The following KCNAB1 variants were observed in gnomAD, a reference collection of about 807,000 sequenced individuals.
KCNAB1 encodes the protein potassium voltage-gated channel subfamily A regulatory beta subunit 1.
In KCNAB1, 35 loss-of-function variants were observed where a neutral mutation model predicts 64.6. That is an observed-to-expected ratio of 0.54 (90% CI 0.41 to 0.72). The LOEUF (loss-of-function observed/expected upper bound fraction) is 0.72. KCNAB1 is among the 30% of genes least tolerant of loss of function. The pLI is 0.00. For missense variants in KCNAB1, 401 were observed against 512.9 expected (o/e 0.78, Z 2.11); for synonymous variants, 177 against 183.8 (o/e 0.96, Z 0.30).
At chr3:156,254,497 A>T (rs773071113) in intron 1 of KCNAB1, among the ~76,000 whole-genome samples, 1 of 152,218 alleles carries the variant, frequency 6.6e-6, no homozygotes, top group South Asian at 2.1e-4. Context: ...TAGCTGCCCA[A>T]TGGCCACTGC....
intron 1 of KCNAB1, among the ~76,000 whole-genome samples, chr3:156,277,709 A>G (rs1339471657): frequency 6.6e-6 from 1 of 152,206 alleles, no homozygotes; most frequent in African/African-American, 2.4e-5. Flanking sequence ...CAAACACAGG[A>G]CTGCAGATAT....
chr3:156,504,739 TTTG>T (rs1485435341), intron 8 of KCNAB1, among the ~76,000 whole-genome samples: 1 of 125,084 alleles, frequency 8.0e-6, no homozygotes, highest in South Asian at 2.6e-4. Flanking sequence ...TTGTTTTGTT[TTTG>T]TTTTTTTTGT....
chr3:156,388,752 C>T (rs185672292), intron 1 of KCNAB1, among the ~76,000 whole-genome samples: 1 of 152,322 alleles, frequency 6.6e-6, no homozygotes, highest in Non-Finnish European at 1.5e-5. Context: ...GTGGGCAGCT[C>T]CACTCACAGT....
intron 2 of KCNAB1, among the ~76,000 whole-genome samples, chr3:156,429,898 G>T (rs1004623045): frequency 6.6e-6 from 1 of 152,142 alleles, no homozygotes; most frequent in African/African-American, 2.4e-5. Flanking sequence ...AGTTTAAATG[G>T]TGTATGAATA....
At chr3:156,297,775 C>T (rs370869760) in intron 1 of KCNAB1, among the ~76,000 whole-genome samples, 15 of 151,368 alleles carry the variant, frequency 9.9e-5, no homozygotes, top group East Asian at 5.8e-4. Flanking sequence ...TGTGTGTGTG[C>T]GCGTGTGCTC....
intron 1 of KCNAB1, among the ~76,000 whole-genome samples, chr3:156,169,935 T>G (rs1308513349): frequency 6.6e-6 from 1 of 152,210 alleles, no homozygotes; most frequent in Non-Finnish European, 1.5e-5. Context: ...TTCTTTCAGT[T>G]TCTGTTCAAA....
At chr3:156,348,958 A>G (rs1724683183) in intron 1 of KCNAB1, among the ~76,000 whole-genome samples, 1 of 152,216 alleles carries the variant, frequency 6.6e-6, no homozygotes, top group Admixed American at 6.5e-5. Flanking sequence ...TGAACACAGA[A>G]TGGCTTTTAT....
At chr3:156,279,879 A>G (rs1162524361) in intron 1 of KCNAB1, among the ~76,000 whole-genome samples, 1 of 149,234 alleles carries the variant, frequency 6.7e-6, no homozygotes, top group African/African-American at 2.5e-5. Context: ...CCTTTGTCAG[A>G]TGAGTAGGTT....
At chr3:156,429,845 A>G (rs1398519436) in intron 2 of KCNAB1, among the ~76,000 whole-genome samples, 1 of 152,228 alleles carries the variant, frequency 6.6e-6, no homozygotes, top group Admixed American at 6.5e-5. Flanking sequence ...TTTTCTGCAT[A>G]ACACAAACAG....
chr3:156,486,075 T>TA (rs1181260963), intron 8 of KCNAB1, among the ~76,000 whole-genome samples: 5 of 152,126 alleles, frequency 3.3e-5, no homozygotes, highest in Non-Finnish European at 7.4e-5. Flanking sequence ...ACAGTACCTC[T>TA]TTAACTTTAT....
intron 1 of KCNAB1, among the ~76,000 whole-genome samples, chr3:156,365,997 C>A (rs1725919901): frequency 1.3e-5 from 2 of 152,118 alleles, no homozygotes; most frequent in African/African-American, 2.4e-5. Flanking sequence ...TTCTCCTCAG[C>A]CTTTATCTTT....
intron 1 of KCNAB1, among the ~76,000 whole-genome samples, chr3:156,265,978 G>A (rs772653889): frequency 2.6e-5 from 4 of 152,098 alleles, no homozygotes; most frequent in Non-Finnish European, 5.9e-5. Context: ...GTGACACAGC[G>A]AGATTCTGTC....
At chr3:156,315,663 A>G (rs1240283678) in intron 1 of KCNAB1, among the ~76,000 whole-genome samples, 1 of 152,226 alleles carries the variant, frequency 6.6e-6, no homozygotes, top group Non-Finnish European at 1.5e-5. Flanking sequence ...GCATAAATGA[A>G]CCCATTTAAG....
At chr3:156,404,813 G>T (rs1198005591) in intron 1 of KCNAB1, among the ~76,000 whole-genome samples, 1 of 152,138 alleles carries the variant, frequency 6.6e-6, no homozygotes, top group Non-Finnish European at 1.5e-5. Context: ...CTTTTTTTGG[G>T]AGTAGGAAGG....
At chr3:156,293,327 T>A (rs972120696) in intron 1 of KCNAB1, among the ~76,000 whole-genome samples, 99 of 152,362 alleles carry the variant, frequency 6.5e-4, no homozygotes, top group African/African-American at 2.3e-3. Flanking sequence ...TTTGCAGATA[T>A]GATTTTGTTA....
At chr3:156,460,762 G>T (rs1712841484) in intron 5 of KCNAB1, among the ~76,000 whole-genome samples, 3 of 152,166 alleles carry the variant, frequency 2.0e-5, no homozygotes, top group Admixed American at 2.0e-4. Flanking sequence ...TAGAGAAAAT[G>T]GACATTCTCA....
At position 156,291,078 on chromosome 3, in the gene KCNAB1, G is replaced by A. The variant is rs184516480; in HGVS notation, c.276-130538G>A. 1.9e-3 allele frequency: 1,920 copies of A among 985,454 alleles called. 1 individual carries two copies. The highest frequency in any genetic ancestry group is 2.8e-3 in the Admixed American group (45 of 16,282). The allele number at this position is 985,454 out of a possible 1,614,324, so 61.0% of individuals were successfully genotyped here. On this transcript the variant is annotated intron_variant, in intron 1 of 13. Coordinates refer to ENST00000490337, the MANE Select transcript of KCNAB1 (RefSeq NM_172160.3). ...CTGCAGCAGATTTGGTCTGAGTCTG[G>A]GCAGAGCCCCTTTTTATGGAGCAAC...
intron 1 of KCNAB1, among the ~76,000 whole-genome samples, chr3:156,125,467 C>T (rs1713600960): frequency 6.6e-6 from 1 of 152,182 alleles, no homozygotes; most frequent in Non-Finnish European, 1.5e-5. Flanking sequence ...AGATAGAATA[C>T]AATGAGCTTT....
At chr3:156,318,574 T>A (rs186868067) in intron 1 of KCNAB1, among the ~76,000 whole-genome samples, 12 of 152,288 alleles carry the variant, frequency 7.9e-5, no homozygotes, top group Non-Finnish European at 1.5e-5. Flanking sequence ...TGTTTGTTTG[T>A]AAGTGTGACC....
Sources: allele counts gnomAD v4.1 joint callset (sites outside exome capture counted in the v4.1 genomes callset), GRCh38; gene constraint gnomAD v4.1.1; transcripts MANE v1.5; gene names NCBI Gene and HGNC (gene_info 2026-07-23, HGNC 2026-07-21).